Variants in COL15A1 observed in about 807,000 individuals in gnomAD.
The protein encoded by COL15A1 is collagen alpha-1(XV) chain.
In COL15A1, 111 loss-of-function variants were observed where a neutral mutation model predicts 165.9. The ratio of observed to expected loss-of-function variants is 0.67; its 90% CI spans 0.57 to 0.78. The LOEUF is 0.78. COL15A1 is among the 30% of genes least tolerant of loss of function. The pLI, the probability that COL15A1 is intolerant of heterozygous loss-of-function variation, is 0.00. For missense variants in COL15A1, 1,745 were observed against 1,789.7 expected, an observed-to-expected ratio of 0.98 and a Z score of 0.45; for synonymous variants, 659 against 674.8, an observed-to-expected ratio of 0.98 and a Z score of 0.36.
chr9:99,040,592 C>G, intron 23 of COL15A1, 36 bp downstream of exon 23: 2 of 1,614,194 alleles, frequency 1.2e-6, no homozygotes, highest in Non-Finnish European at 1.7e-6. Context: ...ATCTGTGCCC[C>G]GTGGCTGCGA....
At chr9:99,002,728 G>T (rs928374432) in intron 7 of COL15A1, among the ~76,000 whole-genome samples, 1 of 152,166 alleles carries the variant, frequency 6.6e-6, no homozygotes, top group South Asian at 2.1e-4. Flanking sequence ...TGAAAAAGGG[G>T]CTCTGTGGTC....
At chr9:99,048,843 C>G (rs1302836828) in intron 28 of COL15A1, among the ~76,000 whole-genome samples, 1 of 152,020 alleles carries the variant, frequency 6.6e-6, no homozygotes, top group East Asian at 1.9e-4. Context: ...ACCAGGGCCT[C>G]TAGAAGTCAA....
At chr9:99,019,254 C>T (rs1198479821) in intron 11 of COL15A1, among the ~76,000 whole-genome samples, 1 of 152,126 alleles carries the variant, frequency 6.6e-6, no homozygotes, top group Non-Finnish European at 1.5e-5. Flanking sequence ...AGTGCAGTGG[C>T]GTGATCTCGG....
chr9:98,990,045 C>G (rs529140418), intron 5 of COL15A1, among the ~76,000 whole-genome samples: 1 of 152,300 alleles, frequency 6.6e-6, no homozygotes, highest in South Asian at 2.1e-4. Context: ...TAGAAGAAAT[C>G]AGGGAGATGG....
At chr9:98,953,737 T>G (rs1837729091) in intron 2 of COL15A1, among the ~76,000 whole-genome samples, 1 of 152,212 alleles carries the variant, frequency 6.6e-6, no homozygotes, top group Admixed American at 6.5e-5. Context: ...GGAGTCTGGC[T>G]TGCAGGCAAC....
At chr9:99,040,435 T>G in intron 22 of COL15A1, 86 bp from the exon 23 acceptor site, 1 of 1,608,326 alleles carries the variant, frequency 6.2e-7, no homozygotes. Context: ...GCTGAGGCCT[T>G]TGGAAGGGGC....
intron 4 of COL15A1, among the ~76,000 whole-genome samples, chr9:98,988,247 C>T (rs985499027): frequency 1.1e-4 from 17 of 152,184 alleles, no homozygotes; most frequent in African/African-American, 3.9e-4. Flanking sequence ...GAATTTGGGC[C>T]TGTGAGAATG....
Position 98,996,971 on chromosome 9 carries a change from CA to C in COL15A1, c.844del (p.Thr282LeufsTer26), listed in dbSNP as rs1564039412. On this transcript the variant is annotated frameshift_variant, in exon 6 of 42. Coordinates refer to ENST00000375001, the MANE Select transcript of COL15A1 (RefSeq NM_001855.5). LOFTEE classifies it high-confidence loss of function. ...EAKVEPINTP[P>X]TPSSPFEDME... is the part of the protein sequence containing the mutation. The stretch of plus-strand genomic sequence containing the variant: ...AAAGTTGAACCCATAAACACACCTC[CA>C]ACTCCATCCTCCCCCTTTGAAGACA... The C allele has an allele frequency of 6.2e-7, 1 of 1,614,204 alleles. No homozygotes were observed. Among genetic ancestry groups the C allele is most frequent in the Admixed American group, 1.7e-5 (1 of 60,030 alleles).
At position 98,944,081 on chromosome 9, in the gene COL15A1, C is replaced by T. The variant is rs372448914; in HGVS notation, c.11+9C>T. 1.2e-6 allele frequency: 2 copies of T among 1,614,032 alleles called. No homozygotes were observed. The highest frequency in any genetic ancestry group is 2.7e-5 in the African/African-American group (2 of 74,946). ...CGCGAGATGGCACCAAGGTAAGACC[C>T]GCTTCTCTGCTTCCTCGCGTCCCGG... On this transcript the variant is annotated intron_variant, in intron 1 of 41. Coordinates refer to ENST00000375001, the MANE Select transcript of COL15A1 (RefSeq NM_001855.5).
In COL15A1 at chr9:99,035,166, C is replaced by T; in HGVS notation, c.2220+12C>T. On this transcript the variant is annotated intron_variant, in intron 18 of 41. Coordinates refer to ENST00000375001, the MANE Select transcript of COL15A1 (RefSeq NM_001855.5). ...GACTTGGATTCGAGGTACTTTTCCC[C>T]TTTTCTGTGGTTATAAAAATGATGT... 2 of 1,587,106 alleles carry T rather than the reference C, an allele frequency of 1.3e-6. No individual in the cohort carries two copies. Among genetic ancestry groups the T allele is most frequent in the South Asian group, 2.3e-5 (2 of 87,240 alleles).
chr9:98,984,593 G>A (rs746150780), intron 2 of COL15A1, among the ~76,000 whole-genome samples: 15 of 152,200 alleles, frequency 9.9e-5, no homozygotes, highest in Non-Finnish European at 2.1e-4. Flanking sequence ...TATGCAGAGC[G>A]CTTAGAGCAG....
intron 26 of COL15A1, among the ~76,000 whole-genome samples, chr9:99,045,759 G>A (rs1839483051): frequency 6.6e-6 from 1 of 152,234 alleles, no homozygotes. Flanking sequence ...TTTAGGTCCA[G>A]TCTCTTCTCA....
chr9:99,007,395 T>C (rs1344527644), intron 9 of COL15A1, among the ~76,000 whole-genome samples: 2 of 152,242 alleles, frequency 1.3e-5, no homozygotes, highest in Non-Finnish European at 1.5e-5. Context: ...GGTCCTGAGA[T>C]TTATTTTCCT....
chr9:99,040,494 G>A lies in COL15A1; in HGVS notation c.2476-27G>A, dbSNP rs760162297. The A allele has an allele frequency of 3.1e-6, 5 of 1,614,126 alleles. No homozygotes were observed. In the Admixed American group the frequency reaches 6.7e-5, roughly 22 times the overall value. On this transcript the variant is annotated intron_variant, in intron 22 of 41. Transcript: ENST00000375001. ...CTCTGGAAATGCCGCTCCTAATCCA[G>A]CGTGCTCTATCTTTGGTGTGTCACA...
intron 26 of COL15A1, among the ~76,000 whole-genome samples, chr9:99,046,779 G>A (rs1275567121): frequency 1.3e-5 from 2 of 152,200 alleles, no homozygotes; most frequent in Non-Finnish European, 2.9e-5. Context: ...GAAGAGATTT[G>A]GGTGGGCACA....
chr9:99,024,789 G>T (rs1839091970), intron 14 of COL15A1, 85 bp from the exon 15 acceptor site: 2 of 1,481,618 alleles, frequency 1.3e-6, no homozygotes, highest in Admixed American at 2.1e-5. Flanking sequence ...ATTGTTGAAA[G>T]AATTTGAGAG....
chr9:99,012,938 T>C (rs1461028752), intron 9 of COL15A1, among the ~76,000 whole-genome samples: 1 of 152,088 alleles, frequency 6.6e-6, no homozygotes, highest in African/African-American at 2.4e-5. Context: ...GGTCTCGAAC[T>C]CCTGACTTCA....
chr9:99,059,189 G>A (rs1012819315), intron 35 of COL15A1, among the ~76,000 whole-genome samples: 6 of 152,136 alleles, frequency 3.9e-5, no homozygotes, highest in African/African-American at 9.7e-5. Context: ...CACTAACCTT[G>A]ATCTGATTTT....
At chr9:99,025,831 C>T (rs1188519521) in intron 15 of COL15A1, 73 bp from the exon 16 acceptor site, 2 of 1,520,998 alleles carry the variant, frequency 1.3e-6, no homozygotes, top group Non-Finnish European at 1.8e-6. Context: ...ACCCTGCCCT[C>T]CTTTTCTAGC....
Sources: allele counts gnomAD v4.1 joint callset (sites outside exome capture counted in the v4.1 genomes callset), GRCh38; gene constraint gnomAD v4.1.1; transcripts MANE v1.5; gene names NCBI Gene and HGNC (gene_info 2026-07-23, HGNC 2026-07-21).